Variants in HYDIN observed in about 807,000 individuals in gnomAD.
HYDIN encodes the protein axonemal central pair apparatus protein HYDIN.
A neutral mutation model predicts 403.9 loss-of-function variants in HYDIN; 132 were observed. The observed-to-expected ratio is 0.33, with a 90% CI of 0.28 to 0.38. HYDIN has a LOEUF of 0.38. Among genes scored for constraint, HYDIN ranks in the 10% least tolerant of loss-of-function variants. The pLI is 1.00. For synonymous variants in HYDIN, 1,202 were observed against 1,891.7 expected (o/e 0.64, Z 9.46); for missense variants, 2,827 against 5,009.5 (o/e 0.56, Z 13.15).
intron 23 of HYDIN, among the ~76,000 whole-genome samples, chr16:71,010,929 A>G (rs918569697): frequency 2.0e-5 from 3 of 152,252 alleles, no homozygotes; most frequent in Non-Finnish European, 2.9e-5. Flanking sequence ...TGGCCCCCTT[A>G]AGCCACACAC....
intron 1 of HYDIN, among the ~76,000 whole-genome samples, chr16:71,222,271 GA>G (rs1410245368): frequency 6.6e-6 from 1 of 152,144 alleles, no homozygotes; most frequent in Non-Finnish European, 1.5e-5. Context: ...AAAAGCATTT[GA>G]AAAAATCCAG....
chr16:70,944,394 T>C (rs2077784035), intron 41 of HYDIN, among the ~76,000 whole-genome samples: 1 of 152,046 alleles, frequency 6.6e-6, no homozygotes, highest in African/African-American at 2.4e-5. Context: ...AATAACCAGG[T>C]AAGGGAATAA....
At chr16:70,937,018 T>A (rs1368637418) in intron 44 of HYDIN, among the ~76,000 whole-genome samples, 1 of 151,592 alleles carries the variant, frequency 6.6e-6, no homozygotes, top group Non-Finnish European at 1.5e-5. Context: ...AGTGAGGGAA[T>A]GGTACTTCTG....
intron 13 of HYDIN, among the ~76,000 whole-genome samples, chr16:71,069,794 A>C (rs1194624013): frequency 6.6e-6 from 1 of 152,188 alleles, no homozygotes; most frequent in East Asian, 1.9e-4. Context: ...CTTGATTGCC[A>C]CTCAGGCCCT....
intron 1 of HYDIN, among the ~76,000 whole-genome samples, chr16:71,227,711 A>G (rs945215020): frequency 6.6e-6 from 1 of 152,240 alleles, no homozygotes; most frequent in Non-Finnish European, 1.5e-5. Context: ...GGAATAATCA[A>G]TATCGTGAAA....
intron 14 of HYDIN, among the ~76,000 whole-genome samples, chr16:71,068,911 C>T (rs965478994): frequency 2.6e-5 from 4 of 152,156 alleles, no homozygotes; most frequent in African/African-American, 9.7e-5. Flanking sequence ...TCTAAAGGAT[C>T]TGAGTCTGAA....
At chr16:71,024,241 G>A (rs1412618018) in intron 21 of HYDIN, among the ~76,000 whole-genome samples, 1 of 152,146 alleles carries the variant, frequency 6.6e-6, no homozygotes, top group Non-Finnish European at 1.5e-5. Flanking sequence ...GTCTCCAGAT[G>A]GACTTTTGCC....
At chr16:71,176,350 C>A (rs2086672126) in intron 4 of HYDIN, among the ~76,000 whole-genome samples, 1 of 151,124 alleles carries the variant, frequency 6.6e-6, no homozygotes, top group South Asian at 2.1e-4. Flanking sequence ...GCTCTTTAAT[C>A]AGCTAAAACC....
chr16:71,171,373 T>G (rs2086456265), intron 5 of HYDIN, among the ~76,000 whole-genome samples: 1 of 152,232 alleles, frequency 6.6e-6, no homozygotes, highest in South Asian at 2.1e-4. Flanking sequence ...CCCCCTACTA[T>G]GTCAATTTCT....
At chr16:70,819,667 C>T (rs2036097712) in intron 83 of HYDIN, among the ~76,000 whole-genome samples, 1 of 147,452 alleles carries the variant, frequency 6.8e-6, no homozygotes, top group Non-Finnish European at 1.5e-5. Context: ...CACATAGCTG[C>T]TTTTATGCAA....
At chr16:70,956,441 T>G (rs925399075) in intron 39 of HYDIN, among the ~76,000 whole-genome samples, 28 of 152,220 alleles carry the variant, frequency 1.8e-4, no homozygotes, top group African/African-American at 6.8e-4. Flanking sequence ...TCCAAAGATT[T>G]CCACCTGCAA....
Position 70,863,191 on chromosome 16 carries a change from C to T in HYDIN, c.11472-9G>A, listed in dbSNP as rs372749452. ...AATTAATCACATCGAACCTGCAAAT[C>T]GATCAGGGAGCAGATTTGAGAAATG... On this transcript the variant is annotated splice_polypyrimidine_tract_variant and intron_variant, in intron 67 of 85. Coordinates refer to ENST00000393567, the MANE Select transcript of HYDIN (RefSeq NM_001270974.2). The T allele has an allele frequency of 1.1e-5, 17 of 1,611,418 alleles. No homozygotes were observed. Among genetic ancestry groups the T allele is most frequent in the South Asian group, 7.7e-5 (7 of 90,566 alleles).
At chr16:71,158,832 C>T (rs1284205463) in intron 6 of HYDIN, among the ~76,000 whole-genome samples, 1 of 150,158 alleles carries the variant, frequency 6.7e-6, no homozygotes, top group Non-Finnish European at 1.5e-5. Context: ...CAGGTATGGA[C>T]CACTACACCC....
chr16:70,810,703 A>G (rs2035437257), intron 84 of HYDIN, among the ~76,000 whole-genome samples: 1 of 152,024 alleles, frequency 6.6e-6, no homozygotes, highest in Non-Finnish European at 1.5e-5. Context: ...AGTGGTGCGC[A>G]CCTGTAGTCC....
Position 71,184,955 on chromosome 16 carries a change from C to A in HYDIN, c.171G>T (p.Leu57=). ...TTTTTGCCAGTCTCTGCTCGGTGGT[C>A]AGGGACATTTCCTTCAGGAACTCTG... is the stretch of plus-strand genomic sequence containing the variant. The part of the protein sequence containing the change: ...TPSEFLKEMS[L]TTEQRLAKTR... The change falls in exon 3 of 86, where the codon CTG becomes CTT. Residue 57 remains leucine, a synonymous_variant. Coordinates refer to ENST00000393567, the MANE Select transcript of HYDIN (RefSeq NM_001270974.2). 1.2e-6 allele frequency: 2 copies of A among 1,610,100 alleles called. No individual in the cohort carries two copies. Among genetic ancestry groups the A allele is most frequent in the South Asian group, 2.2e-5 (2 of 90,526 alleles).
chr16:71,067,356 T>C lies in HYDIN; in HGVS notation c.2009A>G (p.Glu670Gly), dbSNP rs776343850. 6.2e-7 allele frequency: 1 copy of C among 1,612,608 alleles called. No homozygotes were observed. Among genetic ancestry groups the C allele is most frequent in the Non-Finnish European group, 8.5e-7 (1 of 1,179,566 alleles). ...TLCSNTVQKY[E>G]LALVVDVEGI... ...CTCCACGTCCACCACGAGTGCCAGC[T>C]CGTATTTCTGCACAGTGTTGGAGCA... The change falls in exon 15 of 86, where the codon GAG becomes GGG. Residue 670 changes from glutamate (E) to glycine (G), a missense_variant. Coordinates refer to ENST00000393567, the MANE Select transcript of HYDIN (RefSeq NM_001270974.2).
At chr16:71,046,523 T>C (rs1251135097) in intron 18 of HYDIN, among the ~76,000 whole-genome samples, 2 of 152,028 alleles carry the variant, frequency 1.3e-5, no homozygotes, top group Admixed American at 6.6e-5. Flanking sequence ...ACAAAACTTA[T>C]TGTTGCATGC....
chr16:70,954,638 C>G (rs1190071947), intron 40 of HYDIN, among the ~76,000 whole-genome samples: 1 of 152,102 alleles, frequency 6.6e-6, no homozygotes, highest in African/African-American at 2.4e-5. Flanking sequence ...ATCCCTCTTA[C>G]TCCTTCAATT....
chr16:70,892,523 G>A lies in HYDIN; in HGVS notation c.9255C>T (p.Ser3085=), dbSNP rs182592004. 7.5e-6 allele frequency: 12 copies of A among 1,602,604 alleles called. No homozygotes were observed. The highest frequency in any genetic ancestry group is 1.7e-4 in the Middle Eastern group (1 of 5,990). ...GTGTTGAAATCCCTACAGAGTCCAC[G>A]GAAAAGCTGAAAGACAAGAATAAGA... is the stretch of plus-strand genomic sequence containing the variant. The part of the protein sequence containing the change: ...RGKYEIAFSF[S]VDSVGISTPN... Residue 3085 remains serine, a synonymous_variant, in exon 56 of 86, where the codon TCC becomes TCT. Transcript: ENST00000393567.
Sources: allele counts gnomAD v4.1 joint callset (sites outside exome capture counted in the v4.1 genomes callset), GRCh38; gene constraint gnomAD v4.1.1; transcripts MANE v1.5; gene names NCBI Gene and HGNC (gene_info 2026-07-23, HGNC 2026-07-21).